Variants in CEP83 observed in about 807,000 individuals in gnomAD.
The protein encoded by CEP83 is centrosomal protein 83.
A neutral mutation model predicts 101.9 loss-of-function variants in CEP83; 70 were observed. The ratio of observed to expected loss-of-function variants is 0.69; its 90% CI spans 0.57 to 0.84. CEP83 has a LOEUF of 0.84. Among genes scored for constraint, CEP83 ranks in the 40% least tolerant of loss-of-function variants. The pLI, the probability that CEP83 is intolerant of heterozygous loss-of-function variation, is 0.00. For missense variants in CEP83, 715 were observed against 787.2 expected (o/e 0.91, Z 1.10); for synonymous variants, 264 against 267.9 (o/e 0.99, Z 0.14).
At chr12:94,398,698 A>C (rs749327952) in intron 6 of CEP83, among the ~76,000 whole-genome samples, 2 of 152,330 alleles carry the variant, frequency 1.3e-5, no homozygotes, top group South Asian at 4.1e-4. Context: ...GGTCAGACAA[A>C]ATAGAGCCAT....
rs1013833161 is a variant in CEP83, at chr12:94,396,389, A to T, written c.549+4461T>A. ...CTGCAACCTCCACCTCCTGGGTTCAAGCGATTCTCCTGCCTCAGCCTCCAG... is the reference window on the plus strand; with the variant it reads ...CTGCAACCTCCACCTCCTGGGTTCATGCGATTCTCCTGCCTCAGCCTCCAG... On this transcript the variant is annotated intron_variant, in intron 6 of 16. Coordinates refer to ENST00000397809, the MANE Select transcript of CEP83 (RefSeq NM_016122.3). Among the ~76,000 whole-genome samples the T allele has an allele frequency of 3.3e-5, 5 of 150,184 alleles. No individual in the cohort carries two copies. In the East Asian group the frequency reaches 5.9e-4, roughly 18 times the overall value.
intron 2 of CEP83, chr12:94,424,195 C>G: frequency 1.9e-6 from 3 of 1,608,960 alleles, no homozygotes; most frequent in Admixed American, 3.3e-5. Context: ...AAAACCCATT[C>G]TGAAGAGCTG....
At chr12:94,350,590 G>A (rs935914459) in intron 11 of CEP83, among the ~76,000 whole-genome samples, 5 of 151,700 alleles carry the variant, frequency 3.3e-5, no homozygotes, top group African/African-American at 7.3e-5. Context: ...GATATGACAC[G>A]AAAGGCATAG....
rs749493316 is a variant in CEP83 at position 94,378,981 on chromosome 12, G to C, written c.611C>G (p.Thr204Arg). ...TTGTTCCACTCGTTTGCTGTCTTTT[G>C]TGAGATCAACATTAAGCAGCTGGTT... ...LRNQLLNVDL[T>R]KDSKRVEQLA... The change falls in exon 7 of 17, where the codon ACA (threonine) becomes AGA (arginine). Residue 204 changes from threonine to arginine, a missense_variant. By Grantham distance (71) the Thr-to-Arg change is moderately conservative (BLOSUM62 -1). Coordinates refer to ENST00000397809, the MANE Select transcript of CEP83 (RefSeq NM_016122.3). 2.5e-6 allele frequency: 4 copies of C among 1,613,700 alleles called. No individual in the cohort carries two copies. The Admixed American group carries it at 6.7e-5, about 27-fold the overall frequency.
At chr12:94,350,618 C>CA (rs367593030) in intron 11 of CEP83, among the ~76,000 whole-genome samples, 1,506 of 149,144 alleles carry the variant, frequency 0.01, 28 homozygotes, top group African/African-American at 0.035. Flanking sequence ...ACAACAACAA[C>CA]AAAAAAAAAC....
At chr12:94,389,565 T>C (rs1206035574) in intron 6 of CEP83, among the ~76,000 whole-genome samples, 1 of 152,100 alleles carries the variant, frequency 6.6e-6, no homozygotes, top group Non-Finnish European at 1.5e-5. Flanking sequence ...ACGCAGAAGA[T>C]GGGTGATTTC....
At chr12:94,312,761 T>TA (rs1258387277) in intron 15 of CEP83, 153 bp downstream of exon 15, 11 of 978,180 alleles carry the variant, frequency 1.1e-5, no homozygotes, top group South Asian at 4.7e-5. Context: ...AGTTAGGGGG[T>TA]AAAAAAAGGA....
chr12:94,453,191 G>T (rs2067385410), intron 1 of CEP83, among the ~76,000 whole-genome samples: 1 of 152,066 alleles, frequency 6.6e-6, no homozygotes, highest in South Asian at 2.1e-4. Context: ...ACATGCTGGT[G>T]TTCACAAGCT....
In CEP83 at chr12:94,420,683, G is replaced by A. The variant is rs564615723; in HGVS notation, c.-101-8092C>T. Among the ~76,000 whole-genome samples, 17 of 152,142 alleles carry A rather than the reference G, an allele frequency of 1.1e-4. No homozygotes were observed. The East Asian group carries it at 2.5e-3, about 22-fold the overall frequency. ...TCTTCCAGTGTGGCCCAGGGAAGCC[G>A]AAAGACTGGACACCCCTGCTATAGA... On this transcript the variant is annotated intron_variant, in intron 2 of 16. Transcript: ENST00000397809.
intron 11 of CEP83, among the ~76,000 whole-genome samples, chr12:94,342,718 A>G (rs1011681458): frequency 6.6e-6 from 1 of 152,214 alleles, no homozygotes; most frequent in African/African-American, 2.4e-5. Flanking sequence ...ATAAGAGGAT[A>G]AAAGTATACC....
the CEP83 span, among the ~76,000 whole-genome samples, chr12:94,280,442 C>T: frequency 6.6e-6 from 1 of 152,184 alleles, no homozygotes; most frequent in East Asian, 1.9e-4. Flanking sequence ...TAAAATCCTC[C>T]CACTCGGCCC....
At chr12:94,332,815 T>C (rs1003657350) in intron 13 of CEP83, among the ~76,000 whole-genome samples, 1 of 152,110 alleles carries the variant, frequency 6.6e-6, no homozygotes. Flanking sequence ...TTATGTGGCA[T>C]GGTGGCCTTC....
chr12:94,392,799 C>T (rs2062636424), intron 6 of CEP83, among the ~76,000 whole-genome samples: 1 of 152,096 alleles, frequency 6.6e-6, no homozygotes, highest in Admixed American at 6.5e-5. Flanking sequence ...GGGATATCGC[C>T]ACCGATCCCA....
At chr12:94,447,432 T>C (rs1185563695) in intron 1 of CEP83, among the ~76,000 whole-genome samples, 1 of 151,940 alleles carries the variant, frequency 6.6e-6, no homozygotes, top group African/African-American at 2.4e-5. Context: ...TTGAACTGGG[T>C]AAGCGGTGGC....
At chr12:94,284,969 G>A in the CEP83 span, among the ~76,000 whole-genome samples, 1 of 152,226 alleles carries the variant, frequency 6.6e-6, no homozygotes, top group African/African-American at 2.4e-5. Flanking sequence ...GTGGATTTCT[G>A]GTGAGGATTG....
At chr12:94,400,344 A>G (rs2063178330) in intron 6 of CEP83, among the ~76,000 whole-genome samples, 1 of 152,228 alleles carries the variant, frequency 6.6e-6, no homozygotes, top group African/African-American at 2.4e-5. Context: ...TGCTGTAGGC[A>G]GCATAAAGAG....
chr12:94,313,607 G>A (rs2136302226), intron 14 of CEP83, among the ~76,000 whole-genome samples: 1 of 151,462 alleles, frequency 6.6e-6, no homozygotes, highest in Non-Finnish European at 1.5e-5. Context: ...GGGAGGCCGA[G>A]GCGGACAGAT....
chr12:94,376,334 T>G (rs1402174483), intron 7 of CEP83, among the ~76,000 whole-genome samples: 1 of 152,154 alleles, frequency 6.6e-6, no homozygotes, highest in East Asian at 1.9e-4. Context: ...TAACACTGAC[T>G]TATTTCAAAC....
At chr12:94,402,012 A>G (rs1490582386) in intron 5 of CEP83, among the ~76,000 whole-genome samples, 2 of 152,206 alleles carry the variant, frequency 1.3e-5, no homozygotes, top group African/African-American at 2.4e-5. Flanking sequence ...ATTTGTATGT[A>G]TAAGGCCAGG....
Sources: gnomAD v4.1 joint callset for allele counts (sites outside exome capture counted in the v4.1 genomes callset) on GRCh38, gnomAD v4.1.1 for gene constraint, MANE v1.5 for transcripts, NCBI Gene and HGNC (gene_info 2026-07-23, HGNC 2026-07-21) for gene names.